Variants in PRKG1 observed in about 807,000 individuals in gnomAD.
The protein encoded by PRKG1 is protein kinase cGMP-dependent 1, also known as cGMP-dependent protein kinase 1.
In PRKG1, 35 loss-of-function variants were observed where a neutral mutation model predicts 88.1. The observed-to-expected ratio is 0.40, with a 90% CI of 0.30 to 0.53. PRKG1 has a LOEUF of 0.53. Among genes scored for constraint, PRKG1 ranks in the 20% least tolerant of loss-of-function variants. PRKG1 has a pLI of 0.59. For synonymous variants in PRKG1, 303 were observed against 292.5 expected (o/e 1.04, Z -0.37); for missense variants, 540 against 839.8 (o/e 0.64, Z 4.41).
At chr10:51,791,009 T>G (rs1266754515) in intron 3 of PRKG1, among the ~76,000 whole-genome samples, 2 of 152,130 alleles carry the variant, frequency 1.3e-5, no homozygotes, top group Non-Finnish European at 2.9e-5. Context: ...TGTCTCTAAA[T>G]TGAATCTTAA....
chr10:51,544,212 C>A (rs1217574525), intron 3 of PRKG1, among the ~76,000 whole-genome samples: 3 of 122,832 alleles, frequency 2.4e-5, no homozygotes, highest in African/African-American at 8.8e-5. Context: ...CCTCCCCCAC[C>A]ACCCCAAAAC....
chr10:51,413,966 T>C (rs1328437034), intron 2 of PRKG1, among the ~76,000 whole-genome samples: 2 of 152,204 alleles, frequency 1.3e-5, no homozygotes, highest in African/African-American at 4.8e-5. Context: ...AGTAAGGGCA[T>C]GAACGTCACA....
chr10:52,038,572 G>A (rs1311378821), intron 5 of PRKG1, among the ~76,000 whole-genome samples: 1 of 151,802 alleles, frequency 6.6e-6, no homozygotes, highest in African/African-American at 2.4e-5. Context: ...AGGGGTTGAG[G>A]GGTACTTGCC....
chr10:52,048,273 A>G (rs1437320827), intron 5 of PRKG1, among the ~76,000 whole-genome samples: 3 of 152,164 alleles, frequency 2.0e-5, no homozygotes, highest in African/African-American at 7.2e-5. Context: ...AGACTTAAGC[A>G]TAACTCCAAA....
rs1233792501 is a variant in PRKG1 at position 51,356,767 on chromosome 10, AAAT to A, written c.479-110955_479-110953del. Among the ~76,000 whole-genome samples the A allele has an allele frequency of 2.0e-5, 3 of 152,062 alleles. No individual in the cohort carries two copies. The East Asian group carries it at 5.8e-4, about 30-fold the overall frequency. On this transcript the variant is annotated intron_variant, in intron 2 of 17. Coordinates refer to ENST00000373980, the MANE Select transcript of PRKG1 (RefSeq NM_006258.4). ...TAAATAAATGCTTTCTTTCCCAAGT[AAAT>A]TTATTTGACTCTTTTCATCCTCTAT...
intron 2 of PRKG1, among the ~76,000 whole-genome samples, chr10:51,340,103 AT>A (rs1841972206): frequency 6.6e-6 from 1 of 152,228 alleles, no homozygotes; most frequent in Admixed American, 6.5e-5. Flanking sequence ...TCTTAGGATG[AT>A]TATCCATTGA....
At chr10:52,094,239 A>T (rs1171395059) in intron 7 of PRKG1, among the ~76,000 whole-genome samples, 3 of 152,202 alleles carry the variant, frequency 2.0e-5, no homozygotes, top group Non-Finnish European at 4.4e-5. Context: ...CTAGATCTGT[A>T]TAAAAACAAA....
At chr10:51,146,444 T>TTAC (rs1360198794) in intron 1 of PRKG1, among the ~76,000 whole-genome samples, 1 of 151,460 alleles carries the variant, frequency 6.6e-6, no homozygotes, top group Non-Finnish European at 1.5e-5. Context: ...ATTATTATTA[T>TTAC]TATTTTAAGT....
intron 3 of PRKG1, among the ~76,000 whole-genome samples, chr10:51,497,054 T>TA (rs1840879018): frequency 6.6e-6 from 1 of 152,176 alleles, no homozygotes; most frequent in South Asian, 2.1e-4. Flanking sequence ...AACATGTACT[T>TA]ACGGAAAGAT....
intron 4 of PRKG1, among the ~76,000 whole-genome samples, chr10:51,874,845 A>C (rs1367433651): frequency 6.6e-6 from 1 of 152,186 alleles, no homozygotes; most frequent in African/African-American, 2.4e-5. Context: ...AAATGAGGTT[A>C]ATAATATTTA....
chr10:51,806,394 G>A (rs1299145804), intron 4 of PRKG1, among the ~76,000 whole-genome samples: 5 of 152,332 alleles, frequency 3.3e-5, no homozygotes, highest in East Asian at 1.9e-4. Context: ...GCATACGCAC[G>A]TGTGTATGTG....
At chr10:51,990,885 A>AT (rs1844288506) in intron 5 of PRKG1, among the ~76,000 whole-genome samples, 1 of 152,036 alleles carries the variant, frequency 6.6e-6, no homozygotes, top group African/African-American at 2.4e-5. Flanking sequence ...GTTCCTGCAA[A>AT]GATATGATCT....
chr10:51,221,134 T>C (rs1838517636), intron 2 of PRKG1, among the ~76,000 whole-genome samples: 1 of 152,020 alleles, frequency 6.6e-6, no homozygotes, highest in African/African-American at 2.4e-5. Flanking sequence ...TAATGTATTT[T>C]CACCAAATAT....
intron 2 of PRKG1, among the ~76,000 whole-genome samples, chr10:51,431,934 C>T (rs1436756312): frequency 6.6e-6 from 1 of 152,008 alleles, no homozygotes; most frequent in East Asian, 1.9e-4. Flanking sequence ...AAAATATAGC[C>T]ATTTTTATAT....
chr10:51,397,137 T>C (rs2132659745), intron 2 of PRKG1, among the ~76,000 whole-genome samples: 1 of 151,856 alleles, frequency 6.6e-6, no homozygotes, highest in Non-Finnish European at 1.5e-5. Flanking sequence ...TTTTTTTTTT[T>C]TTTTTTGGTG....
At chr10:51,934,917 C>G (rs1396821792) in intron 5 of PRKG1, among the ~76,000 whole-genome samples, 1 of 152,080 alleles carries the variant, frequency 6.6e-6, no homozygotes, top group South Asian at 2.1e-4. Context: ...AATCAATAAG[C>G]CAGGACAGAG....
chr10:51,626,859 A>G (rs1402164779), intron 3 of PRKG1, among the ~76,000 whole-genome samples: 1 of 152,102 alleles, frequency 6.6e-6, no homozygotes, highest in African/African-American at 2.4e-5. Flanking sequence ...TTGTATTTTA[A>G]TCCCATAAGG....
At chr10:51,363,372 T>C (rs535664322) in intron 2 of PRKG1, among the ~76,000 whole-genome samples, 1 of 152,070 alleles carries the variant, frequency 6.6e-6, no homozygotes, top group South Asian at 2.1e-4. Flanking sequence ...GGAATCTACC[T>C]ATGTATATAC....
At chr10:51,260,837 CTAAT>C (rs1839686718) in intron 2 of PRKG1, among the ~76,000 whole-genome samples, 1 of 152,114 alleles carries the variant, frequency 6.6e-6, no homozygotes, top group South Asian at 2.1e-4. Context: ...CCATCAGAAA[CTAAT>C]TTGATTTCTA....
Sources: allele counts gnomAD v4.1 joint callset (sites outside exome capture counted in the v4.1 genomes callset), GRCh38; gene constraint gnomAD v4.1.1; transcripts MANE v1.5; gene names NCBI Gene and HGNC (gene_info 2026-07-23, HGNC 2026-07-21).